The following KDM4B variants were observed in gnomAD, a reference collection of about 807,000 sequenced individuals.
The protein encoded by KDM4B is lysine-specific demethylase 4B.
In KDM4B, 32 loss-of-function variants were observed where a neutral mutation model predicts 125.2. The observed-to-expected ratio is 0.26, with a 90% CI of 0.19 to 0.34. KDM4B has a LOEUF of 0.34. KDM4B is among the 10% of genes least tolerant of loss of function. KDM4B has a pLI of 1.00. For missense variants in KDM4B, 1,190 were observed against 1,577.7 expected (o/e 0.75, Z 4.16); for synonymous variants, 721 against 677.9 (o/e 1.06, Z -0.99).
chr19:4,978,829 G>A (rs1026865281), intron 1 of KDM4B, among the ~76,000 whole-genome samples: 2 of 152,248 alleles, frequency 1.3e-5, no homozygotes, highest in Admixed American at 6.5e-5. Context: ...GGCTGTCACT[G>A]TAGCCACACC....
chr19:5,074,044 G>C (rs2038026895), intron 7 of KDM4B: 3 of 153,484 alleles, frequency 2.0e-5, no homozygotes, highest in South Asian at 2.1e-4. Context: ...GGAAGTCAAG[G>C]CTGCAGTGAG....
chr19:5,012,240 G>T (rs1372807407), intron 1 of KDM4B, among the ~76,000 whole-genome samples: 1 of 152,126 alleles, frequency 6.6e-6, no homozygotes, highest in African/African-American at 2.4e-5. Flanking sequence ...AGCTTTTGGA[G>T]CAGTTTTAGA....
chr19:4,989,518 A>G (rs1446549207), intron 1 of KDM4B, among the ~76,000 whole-genome samples: 1 of 150,730 alleles, frequency 6.6e-6, no homozygotes, highest in African/African-American at 2.4e-5. Flanking sequence ...TTTTTGTATT[A>G]TTAGTAGAGA....
At chr19:5,134,317 G>A (rs569802029) in intron 14 of KDM4B, among the ~76,000 whole-genome samples, 13 of 152,306 alleles carry the variant, frequency 8.5e-5, no homozygotes, top group South Asian at 2.1e-4. Flanking sequence ...GCGGAGGCTC[G>A]GGGTCACTGC....
chr19:5,123,122 C>T (rs2039391334), intron 11 of KDM4B, among the ~76,000 whole-genome samples: 1 of 152,250 alleles, frequency 6.6e-6, no homozygotes. Flanking sequence ...TCCTGTCACC[C>T]TCGTCTGCCC....
At chr19:5,011,264 G>A (rs917697911) in intron 1 of KDM4B, among the ~76,000 whole-genome samples, 3 of 152,212 alleles carry the variant, frequency 2.0e-5, no homozygotes, top group Non-Finnish European at 2.9e-5. Context: ...GGTGCTGGCC[G>A]TGCTCGATGC....
rs999557224 is a variant in KDM4B, at chr19:5,035,168, A to G, written c.141+2137A>G. ...AGGCCACAGGCTGCTATCCCAGGAA[A>G]GGCCCAGGTCCTCCTCTTCCTCCTC... On this transcript the variant is annotated intron_variant, in intron 3 of 22. Coordinates refer to ENST00000159111, the MANE Select transcript of KDM4B (RefSeq NM_015015.3). This position sits in a 1 kb window ranked among gnomAD's most constrained non-coding sequence, Gnocchi z 5.3. Among the ~76,000 whole-genome samples the G allele has an allele frequency of 3.3e-5, 5 of 152,136 alleles. No homozygotes were observed. Among genetic ancestry groups the G allele is most frequent in the Non-Finnish European group, 4.4e-5 (3 of 68,014 alleles).
chr19:4,997,167 T>C lies in KDM4B; in HGVS notation c.-108-19090T>C, dbSNP rs2035228263. Among the ~76,000 whole-genome samples the C allele has an allele frequency of 6.6e-6, 1 of 152,240 alleles. No homozygotes were observed. The highest frequency in any genetic ancestry group is 1.5e-5 in the Non-Finnish European group (1 of 68,032). On this transcript the variant is annotated intron_variant, in intron 1 of 22. Transcript: ENST00000159111. This position sits in a 1 kb window ranked among gnomAD's most constrained non-coding sequence, Gnocchi z 4.2. ...GATCAGCCTTGGTGGAGAACCCCTG[T>C]TTTGGAATAACCCTTTCTGTACCCG...
At chr19:4,999,236 C>T (rs1289797641) in intron 1 of KDM4B, among the ~76,000 whole-genome samples, 1 of 152,182 alleles carries the variant, frequency 6.6e-6, no homozygotes, top group Non-Finnish European at 1.5e-5. Context: ...TTACTTTGTT[C>T]AATGGGTTAT....
At chr19:5,006,524 G>A (rs1310260187) in intron 1 of KDM4B, among the ~76,000 whole-genome samples, 1 of 152,188 alleles carries the variant, frequency 6.6e-6, no homozygotes, top group Non-Finnish European at 1.5e-5. Flanking sequence ...TGTAATCCCA[G>A]CACTCTGGGA....
intron 1 of KDM4B, among the ~76,000 whole-genome samples, chr19:4,973,281 C>A (rs374840063): frequency 6.6e-6 from 1 of 152,134 alleles, no homozygotes; most frequent in African/African-American, 2.4e-5. Flanking sequence ...CTCCGCCTCC[C>A]GGGTTCAAGT....
At chr19:5,093,962 T>C (rs994879964) in intron 9 of KDM4B, among the ~76,000 whole-genome samples, 2 of 152,174 alleles carry the variant, frequency 1.3e-5, no homozygotes, top group African/African-American at 4.8e-5. Context: ...GCACCAGACA[T>C]GTATCCTCTC....
intron 5 of KDM4B, among the ~76,000 whole-genome samples, chr19:5,042,683 G>A (rs375744249): frequency 4.0e-5 from 6 of 151,278 alleles, no homozygotes; most frequent in South Asian, 2.1e-4. Context: ...AGAGAGTGAG[G>A]GGGGGGGCGC....
intron 3 of KDM4B, among the ~76,000 whole-genome samples, chr19:5,036,098 G>T (rs547809302): frequency 6.6e-6 from 1 of 152,300 alleles, no homozygotes; most frequent in African/African-American, 2.4e-5. Flanking sequence ...TTGGCTCGGG[G>T]CAGCCAGCCT....
chr19:4,986,852 G>A (rs2034849443), intron 1 of KDM4B, among the ~76,000 whole-genome samples: 1 of 152,258 alleles, frequency 6.6e-6, no homozygotes, highest in East Asian at 1.9e-4. Flanking sequence ...AGGACTGCAG[G>A]GGCACAGAGG....
intron 9 of KDM4B, among the ~76,000 whole-genome samples, chr19:5,083,691 C>G (rs966051052): frequency 1.3e-5 from 2 of 152,226 alleles, no homozygotes; most frequent in African/African-American, 4.8e-5. Flanking sequence ...CAGAGACAGC[C>G]TCAGCCTCAG....
At chr19:5,072,293 G>C (rs1267932485) in intron 7 of KDM4B, among the ~76,000 whole-genome samples, 2 of 152,228 alleles carry the variant, frequency 1.3e-5, no homozygotes. Context: ...TGGCTGTGCA[G>C]GAAATGTTGC....
At position 5,152,854 on chromosome 19, in the gene KDM4B, T is replaced by C. The variant is rs781522192; in HGVS notation, c.*1343T>C. 6.6e-6 allele frequency: 1 copy of C among 152,212 alleles called. No individual in the cohort carries two copies. The highest frequency in any genetic ancestry group is 1.9e-4 in the East Asian group (1 of 5,192). 9.4% of individuals were successfully genotyped at this position (152,212 alleles called of 1,614,324 possible). A position where few individuals can be genotyped will look rare whatever the true frequency, so the allele number is the denominator to read the frequency against. ...CTGAGGCAGGAGTTTGGGACCAGCC[T>C]GGGCTATATAGCAAGACCCCATCAC... On this transcript the variant is annotated 3_prime_UTR_variant, in exon 23 of 23. Coordinates refer to ENST00000159111, the MANE Select transcript of KDM4B (RefSeq NM_015015.3).
At chr19:5,003,486 T>C (rs919309986) in intron 1 of KDM4B, among the ~76,000 whole-genome samples, 65 of 149,548 alleles carry the variant, frequency 4.3e-4, no homozygotes, top group Non-Finnish European at 5.5e-4. Flanking sequence ...TGTCTCAAAA[T>C]AAACAAACAA....
Sources: gnomAD v4.1 joint callset for allele counts (sites outside exome capture counted in the v4.1 genomes callset) on GRCh38, gnomAD v4.1.1 for gene constraint, Gnocchi (gnomAD v3.1) non-coding constraint, MANE v1.5 for transcripts, NCBI Gene and HGNC (gene_info 2026-07-23, HGNC 2026-07-21) for gene names.